Variants in SLC26A5 observed in about 807,000 individuals in gnomAD.
SLC26A5 encodes the protein solute carrier family 26 member 5.
Under a neutral mutation model 81.0 loss-of-function variants are expected in SLC26A5, and 51 were observed. The observed-to-expected ratio is 0.63, with a 90% CI of 0.50 to 0.80. The LOEUF is 0.80. Among genes scored for constraint, SLC26A5 ranks in the 30% least tolerant of loss-of-function variants. SLC26A5 has a pLI of 0.00. For synonymous variants in SLC26A5, 325 were observed against 332.8 expected (o/e 0.98, Z 0.25); for missense variants, 771 against 905.8 (o/e 0.85, Z 1.91).
rs35936603 is a variant in SLC26A5 at position 103,359,138 on chromosome 7, C to CTTTTTTTTTTTT, written c.2042-6224_2042-6213dup. On this transcript the variant is annotated intron_variant, in intron 19 of 19. Coordinates refer to the SLC26A5 transcript ENST00000339444. ...CAGGTGCATACCACCCCATGTCTGG[C>CTTTTTTTTTTTT]TTTTTTTTTTTTTTTTTTTTTTTTT... 3.2e-3 allele frequency among the ~76,000 whole-genome samples: 100 copies of CTTTTTTTTTTTT among 31,326 alleles called. 11 individuals carry two copies. Among genetic ancestry groups the CTTTTTTTTTTTT allele is most frequent in the Admixed American group, 4.6e-3 (7 of 1,510 alleles). The allele number at this position is 31,326 out of a possible 152,430, so 20.6% of individuals were successfully genotyped here. A position where few individuals can be genotyped will look rare whatever the true frequency, so the allele number is the denominator to read the frequency against.
intron 19 of SLC26A5, chr7:103,362,792 G>GTAT: frequency 1.2e-5 from 10 of 867,904 alleles, no homozygotes; most frequent in Non-Finnish European, 1.8e-5. Context: ...GGAAGGCTAT[G>GTAT]TCTTTTTTTT....
intron 4 of SLC26A5, among the ~76,000 whole-genome samples, chr7:103,414,780 C>T (rs1182299314): frequency 6.6e-6 from 1 of 152,146 alleles, no homozygotes; most frequent in Non-Finnish European, 1.5e-5. Context: ...AGCAGCTGGA[C>T]TTTTTCATGC....
intron 19 of SLC26A5, chr7:103,355,019 C>A: frequency 1.0e-6 from 1 of 981,364 alleles, no homozygotes; most frequent in Non-Finnish European, 1.6e-6. Context: ...AGTTTAAATA[C>A]AGATTTTACT....
intron 7 of SLC26A5, among the ~76,000 whole-genome samples, chr7:103,408,295 T>C (rs1165920113): frequency 6.6e-6 from 1 of 152,126 alleles, no homozygotes; most frequent in Non-Finnish European, 1.5e-5. Flanking sequence ...GGCATGATCT[T>C]GGCTCACTGC....
chr7:103,382,078 C>T (rs898679126), intron 14 of SLC26A5, among the ~76,000 whole-genome samples: 2 of 152,032 alleles, frequency 1.3e-5, no homozygotes, highest in African/African-American at 2.4e-5. Context: ...GTGGAGGCAA[C>T]GCTGAATTTC....
chr7:103,439,696 C>T (rs73175869), intron 2 of SLC26A5, among the ~76,000 whole-genome samples: 11,818 of 152,162 alleles, frequency 0.078, 556 homozygotes, highest in South Asian at 0.11. Context: ...ACCATGCCCA[C>T]CTAATTTTTG....
intron 2 of SLC26A5, among the ~76,000 whole-genome samples, chr7:103,428,659 T>A (rs1356680478): frequency 6.6e-6 from 1 of 150,686 alleles, no homozygotes; most frequent in African/African-American, 2.5e-5. Flanking sequence ...ACCTCCCAGG[T>A]TCAAGCGATT....
chr7:103,392,208 T>C (rs1822717616), intron 10 of SLC26A5, among the ~76,000 whole-genome samples: 1 of 152,246 alleles, frequency 6.6e-6, no homozygotes, highest in Non-Finnish European at 1.5e-5. Flanking sequence ...GCATCTCAGA[T>C]GAATGTGGAG....
intron 2 of SLC26A5, among the ~76,000 whole-genome samples, chr7:103,431,263 T>G (rs1221446202): frequency 6.6e-6 from 1 of 152,146 alleles, no homozygotes; most frequent in African/African-American, 2.4e-5. Context: ...AAGCAATACT[T>G]TTCCATCCCA....
Position 103,389,316 on chromosome 7 carries a change from C to G in SLC26A5, c.1407+13G>C. On this transcript the variant is annotated intron_variant, in intron 13 of 19. Transcript: ENST00000306312. ...TATGACATATTAACAGAGCCATCAC[C>G]TTTGTTACTTACCAGCTCTATTTTG... The G allele has an allele frequency of 6.3e-7, 1 of 1,578,062 alleles. No homozygotes were observed. Among genetic ancestry groups the G allele is most frequent in the South Asian group, 1.1e-5 (1 of 90,344 alleles).
downstream of SLC26A5, among the ~76,000 whole-genome samples, chr7:103,373,347 A>G (rs187690344): frequency 2.6e-5 from 4 of 152,326 alleles, no homozygotes; most frequent in East Asian, 7.7e-4. Flanking sequence ...TGAAGCATGT[A>G]TCTTATCTAT....
intron 10 of SLC26A5, 41 bp downstream of exon 10, chr7:103,392,878 G>T: frequency 6.2e-7 from 1 of 1,612,528 alleles, no homozygotes; most frequent in Non-Finnish European, 8.5e-7. Flanking sequence ...ATTGGTGATT[G>T]TACTGCTATG....
intron 2 of SLC26A5, among the ~76,000 whole-genome samples, chr7:103,442,088 A>G (rs1433842428): frequency 6.6e-6 from 1 of 152,182 alleles, no homozygotes; most frequent in Non-Finnish European, 1.5e-5. Context: ...TAAAAAATAA[A>G]GATGCCTGGG....
chr7:103,357,208 C>A (rs1219617744), intron 19 of SLC26A5, among the ~76,000 whole-genome samples: 1 of 151,872 alleles, frequency 6.6e-6, no homozygotes, highest in Non-Finnish European at 1.5e-5. Flanking sequence ...CGCTTGTAAT[C>A]CCAGCTACTG....
chr7:103,366,695 A>C (rs1820736223), intron 19 of SLC26A5, among the ~76,000 whole-genome samples: 1 of 152,240 alleles, frequency 6.6e-6, no homozygotes, highest in Non-Finnish European at 1.5e-5. Flanking sequence ...ATGTCATAAG[A>C]AAGCACTGGG....
chr7:103,361,794 G>A (rs1040929100), intron 19 of SLC26A5, among the ~76,000 whole-genome samples: 1 of 152,172 alleles, frequency 6.6e-6, no homozygotes, highest in African/African-American at 2.4e-5. Context: ...AAAGTCGAAT[G>A]GACCTTTGGA....
chr7:103,375,331 C>A (rs1003776263), intron 19 of SLC26A5, among the ~76,000 whole-genome samples: 2 of 151,962 alleles, frequency 1.3e-5, no homozygotes, highest in African/African-American at 4.8e-5. Context: ...CAACGACATA[C>A]AAGTGTCATT....
chr7:103,388,569 C>T (rs939566549), intron 14 of SLC26A5: 20 of 306,552 alleles, frequency 6.5e-5, no homozygotes, highest in Non-Finnish European at 1.2e-4. Context: ...GAAGAGATAA[C>T]AAGGGAAAGT....
chr7:103,381,681 G>T (rs544874120), intron 14 of SLC26A5, among the ~76,000 whole-genome samples: 1 of 144,274 alleles, frequency 6.9e-6, no homozygotes, highest in African/African-American at 2.6e-5. Context: ...ATACACATAC[G>T]TGCAGACACA....
Sources: gnomAD v4.1 joint callset for allele counts (sites outside exome capture counted in the v4.1 genomes callset) on GRCh38, gnomAD v4.1.1 for gene constraint, MANE v1.5 for transcripts, NCBI Gene and HGNC (gene_info 2026-07-23, HGNC 2026-07-21) for gene names.